The following PRCP variants were observed in gnomAD, a reference collection of about 807,000 sequenced individuals.
PRCP encodes the protein lysosomal Pro-X carboxypeptidase.
In PRCP, 46 loss-of-function variants were observed where a neutral mutation model predicts 54.2. The observed-to-expected ratio is 0.85, with a 90% CI of 0.67 to 1.09. The LOEUF is 1.09. Ranked by LOEUF, PRCP falls within the 50% of genes least tolerant of loss-of-function variation. The pLI, the probability that PRCP is intolerant of heterozygous loss-of-function variation, is 0.00. For synonymous variants in PRCP, 240 were observed against 212.2 expected (o/e 1.13, Z -1.14); for missense variants, 613 against 596.8 (o/e 1.03, Z -0.28).
Position 82,839,262 on chromosome 11 carries a change from T to A in PRCP, c.1085A>T (p.Gln362Leu), listed in dbSNP as rs202173773. 6.2e-7 allele frequency: 1 copy of A among 1,611,206 alleles called. No homozygotes were observed. The highest frequency in any genetic ancestry group is 1.1e-5 in the South Asian group (1 of 90,068). Residue 362 changes from glutamine to leucine, a missense_variant and splice_region_variant, in exon 7 of 9, where the codon CAG becomes CTG. Coordinates refer to ENST00000313010, the MANE Select transcript of PRCP (RefSeq NM_005040.4). ...CTTGGGGAAATTATACATATTTACC[T>A]GATAGCTCCAACCCAGTGTTCCCAG... ...SSLGTLGWSY[Q>L]ACTEVVMPFC...
chr11:82,880,143 T>G (rs1859709173), intron 1 of PRCP, among the ~76,000 whole-genome samples: 1 of 152,244 alleles, frequency 6.6e-6, no homozygotes, highest in Non-Finnish European at 1.5e-5. Context: ...AGGTGGAGTC[T>G]ACAGAGGCAG....
intron 6 of PRCP, among the ~76,000 whole-genome samples, chr11:82,841,058 A>ATATATATATATATAAAAATAATATATAT (rs1178732590): frequency 2.0e-5 from 3 of 149,710 alleles, no homozygotes; most frequent in African/African-American, 5.0e-5. Context: ...TATATAATAG[A>ATATATATATATATAAAAATAATATATAT]CTAGTCCTGA....
In PRCP at chr11:82,864,467, AG is replaced by A. The variant is rs1859284769; in HGVS notation, c.169-4351del. Reference sequence around the variant, plus strand: ...AGATTTTATGAATTACAACACGGAAAGGTCACAAGGGCCTTAGAAACCATTC... The same window carrying A: ...AGATTTTATGAATTACAACACGGAAAGTCACAAGGGCCTTAGAAACCATTC... On this transcript the variant is annotated intron_variant, in intron 1 of 8. Coordinates refer to ENST00000313010, the MANE Select transcript of PRCP (RefSeq NM_005040.4). Among the ~76,000 whole-genome samples the A allele has an allele frequency of 3.3e-5, 5 of 152,242 alleles. No homozygotes were observed. In the South Asian group the frequency reaches 1.0e-3, roughly 32 times the overall value.
chr11:82,833,537 A>G (rs1230784613), intron 8 of PRCP, among the ~76,000 whole-genome samples: 1 of 152,178 alleles, frequency 6.6e-6, no homozygotes, highest in Non-Finnish European at 1.5e-5. Flanking sequence ...TAGTGTGGCA[A>G]TTCCTCCAGG....
rs1478708587 is a variant in PRCP, at chr11:82,900,295, G to C, written c.108C>G (p.Thr36=). 26 of 1,614,158 alleles carry C rather than the reference G, an allele frequency of 1.6e-5. No individual in the cohort carries two copies. Among genetic ancestry groups the C allele is most frequent in the Non-Finnish European group, 2.0e-5 (24 of 1,180,060 alleles). ...CTACAGCCGGGAGGGATGTGGGGTT[G>C]GTTGGCAAGTGTAGGCTGCCGAGGG... is the stretch of plus-strand genomic sequence containing the variant. The part of the protein sequence containing the change: ...LRALGSLHLP[T]NPTSLPAVAK... Residue 36 remains threonine, a synonymous_variant, in exon 1 of 9, where the codon ACC becomes ACG. Coordinates refer to ENST00000313010, the MANE Select transcript of PRCP (RefSeq NM_005040.4).
intron 1 of PRCP, among the ~76,000 whole-genome samples, chr11:82,866,012 G>A (rs1281910979): frequency 6.6e-6 from 1 of 152,190 alleles, no homozygotes; most frequent in Non-Finnish European, 1.5e-5. Flanking sequence ...GCACCCTAGA[G>A]GTAGGACAAG....
At chr11:82,876,242 G>C (rs183809666) in intron 1 of PRCP, among the ~76,000 whole-genome samples, 2 of 152,160 alleles carry the variant, frequency 1.3e-5, no homozygotes, top group Non-Finnish European at 2.9e-5. Flanking sequence ...TTCTAGCTAG[G>C]TGTACCTCAG....
chr11:82,854,527 A>G (rs1204137751), intron 2 of PRCP, among the ~76,000 whole-genome samples: 1 of 152,210 alleles, frequency 6.6e-6, no homozygotes, highest in Non-Finnish European at 1.5e-5. Flanking sequence ...ATGGAAAGAC[A>G]TTCCATGTTC....
chr11:82,848,990 A>G, intron 6 of PRCP, 59 bp downstream of exon 6: 2 of 1,529,902 alleles, frequency 1.3e-6, no homozygotes, highest in South Asian at 1.2e-5. Context: ...AAGTCAGAGT[A>G]TGCACATTAA....
At chr11:82,864,528 A>C (rs1859286912) in intron 1 of PRCP, among the ~76,000 whole-genome samples, 1 of 152,228 alleles carries the variant, frequency 6.6e-6, no homozygotes, top group South Asian at 2.1e-4. Context: ...ATTAGGCTCG[A>C]AGAGGTCACA....
chr11:82,863,690 T>C (rs1342700779), intron 1 of PRCP, among the ~76,000 whole-genome samples: 1 of 152,270 alleles, frequency 6.6e-6, no homozygotes, highest in Non-Finnish European at 1.5e-5. Context: ...TATGTGTTTG[T>C]ATATGTCATG....
At chr11:82,867,767 AG>A (rs1859376800) in intron 1 of PRCP, among the ~76,000 whole-genome samples, 1 of 152,262 alleles carries the variant, frequency 6.6e-6, no homozygotes, top group South Asian at 2.1e-4. Flanking sequence ...TCTGTAGCCC[AG>A]GCAAAGTAGA....
At chr11:82,833,370 A>G (rs1858436006) in intron 8 of PRCP, among the ~76,000 whole-genome samples, 1 of 152,234 alleles carries the variant, frequency 6.6e-6, no homozygotes, top group Non-Finnish European at 1.5e-5. Flanking sequence ...AAATGGAAAA[A>G]GAGGATGAGA....
intron 1 of PRCP, among the ~76,000 whole-genome samples, chr11:82,881,027 C>T (rs1256213801): frequency 2.0e-5 from 3 of 152,208 alleles, no homozygotes; most frequent in East Asian, 3.8e-4. Context: ...ACACTTTATA[C>T]TCATAGTAAA....
chr11:82,841,745 T>C (rs75710930), intron 6 of PRCP, among the ~76,000 whole-genome samples: 2,408 of 152,310 alleles, frequency 0.016, 56 homozygotes, highest in African/African-American at 0.054. Context: ...TTTTGGCAAC[T>C]CTCGATTTTT....
intron 1 of PRCP, among the ~76,000 whole-genome samples, chr11:82,896,678 C>CAAAA (rs68047129): frequency 3.4e-4 from 19 of 55,662 alleles, no homozygotes; most frequent in South Asian, 9.2e-4. Flanking sequence ...GACTCCAACT[C>CAAAA]AAAAAAAAAA....
At chr11:82,871,755 C>A (rs550964762) in intron 1 of PRCP, among the ~76,000 whole-genome samples, 2 of 152,272 alleles carry the variant, frequency 1.3e-5, no homozygotes, top group African/African-American at 4.8e-5. Flanking sequence ...CTGAGCAACC[C>A]CAGTTCTTAC....
intron 3 of PRCP, among the ~76,000 whole-genome samples, chr11:82,850,775 A>C (rs1858936817): frequency 6.6e-6 from 1 of 152,234 alleles, no homozygotes; most frequent in African/African-American, 2.4e-5. Flanking sequence ...TTTAATAGCA[A>C]ATGTGATCGA....
intron 1 of PRCP, among the ~76,000 whole-genome samples, chr11:82,867,753 C>G (rs1859376092): frequency 6.6e-6 from 1 of 152,112 alleles, no homozygotes; most frequent in Non-Finnish European, 1.5e-5. Context: ...GACGGGGTCT[C>G]CCCTCTGTAG....
Sources: gnomAD v4.1 joint callset for allele counts (sites outside exome capture counted in the v4.1 genomes callset) on GRCh38, gnomAD v4.1.1 for gene constraint, MANE v1.5 for transcripts, NCBI Gene and HGNC (gene_info 2026-07-23, HGNC 2026-07-21) for gene names.